The following RYR3 variants were observed in gnomAD, a reference collection of about 807,000 sequenced individuals.
RYR3 encodes the protein brain ryanodine receptor-calcium release channel.
RYR3 carries 207 observed loss-of-function variants against 584.3 expected under a neutral mutation model. The ratio of observed to expected loss-of-function variants is 0.35; its 90% CI spans 0.32 to 0.40. The LOEUF is 0.40. Among genes scored for constraint, RYR3 ranks in the 10% least tolerant of loss-of-function variants. The probability of loss-of-function intolerance (pLI) is 1.00; values close to 1 mark genes in which losing one functional copy is unlikely to be tolerated. For missense variants in RYR3, 5,616 were observed against 6,089.2 expected, an observed-to-expected ratio of 0.92 and a Z score of 2.59; for synonymous variants, 2,416 against 2,248.5, an observed-to-expected ratio of 1.07 and a Z score of -2.11.
chr15:33,513,652 T>C (rs2053236968), intron 3 of RYR3, among the ~76,000 whole-genome samples: 1 of 151,946 alleles, frequency 6.6e-6, no homozygotes, highest in Non-Finnish European at 1.5e-5. Context: ...AGGTGGGAGA[T>C]GGGGAAAGTG....
At chr15:33,392,360 G>A (rs1012644930) in intron 1 of RYR3, among the ~76,000 whole-genome samples, 3 of 151,400 alleles carry the variant, frequency 2.0e-5, no homozygotes, top group South Asian at 4.2e-4. Context: ...TAAGGCTGGA[G>A]CACAAGTCGT....
At chr15:33,579,585 T>G (rs2058489666) in intron 12 of RYR3, among the ~76,000 whole-genome samples, 1 of 152,170 alleles carries the variant, frequency 6.6e-6, no homozygotes, top group South Asian at 2.1e-4. Flanking sequence ...CTGCTATAGA[T>G]AGAAGAGTCA....
chr15:33,664,587 G>GTATGTATA (rs879709155), intron 36 of RYR3, among the ~76,000 whole-genome samples: 2 of 42,626 alleles, frequency 4.7e-5, no homozygotes, highest in East Asian at 1.6e-3. Context: ...GTGTGTGTGT[G>GTATGTATA]TGTATATATA....
At chr15:33,488,606 C>T (rs2050687368) in intron 2 of RYR3, among the ~76,000 whole-genome samples, 1 of 152,096 alleles carries the variant, frequency 6.6e-6, no homozygotes. Flanking sequence ...GTAATCCCAG[C>T]ACTTGGGAGG....
At chr15:33,705,101 T>TTCTCTCTCTCTCTCTA in intron 42 of RYR3, among the ~76,000 whole-genome samples, 1 of 142,216 alleles carries the variant, frequency 7.0e-6, no homozygotes, top group African/African-American at 2.7e-5. Flanking sequence ...CACACACTCT[T>TTCTCTCTCTCTCTCTA]TCTCTCTCTC....
At chr15:33,617,822 A>C (rs2060528022) in intron 19 of RYR3, among the ~76,000 whole-genome samples, 1 of 152,216 alleles carries the variant, frequency 6.6e-6, no homozygotes, top group Non-Finnish European at 1.5e-5. Flanking sequence ...CCCACAGTGA[A>C]GTCAAAGTTA....
intron 2 of RYR3, among the ~76,000 whole-genome samples, chr15:33,501,066 G>A (rs928749463): frequency 2.0e-5 from 3 of 152,220 alleles, no homozygotes; most frequent in Admixed American, 6.5e-5. Flanking sequence ...TAAGCTGCCA[G>A]GAAACTCTGT....
intron 60 of RYR3, among the ~76,000 whole-genome samples, chr15:33,765,641 A>AAG (rs2072975985): frequency 6.6e-6 from 1 of 150,808 alleles, no homozygotes; most frequent in East Asian, 1.9e-4. Context: ...TCAAAAAAAA[A>AAG]AAAAAAAAAA....
intron 67 of RYR3, among the ~76,000 whole-genome samples, chr15:33,790,938 C>T (rs1250564386): frequency 2.0e-5 from 3 of 152,072 alleles, no homozygotes; most frequent in African/African-American, 7.2e-5. Flanking sequence ...GTTTCAAATG[C>T]TGCTGGTAAA....
chr15:33,613,160 T>C (rs1466063384), intron 18 of RYR3, 23 bp from the exon 19 acceptor site: 1 of 1,602,736 alleles, frequency 6.2e-7, no homozygotes, highest in Non-Finnish European at 8.5e-7. Flanking sequence ...TCCACAGCCT[T>C]CTTCCTGTTC....
rs2073607012 is a variant in RYR3, at chr15:33,771,935, A to G, written c.8832A>G (p.Ser2944=). 6.2e-7 allele frequency: 1 copy of G among 1,611,500 alleles called. No homozygotes were observed. The highest frequency in any genetic ancestry group is 8.5e-7 in the Non-Finnish European group (1 of 1,178,654). ...TTGCTTGCAGGACTGTCATGAAGTC[A>G]GGCTCAGAGCTGGTGAAGGCTGGGT... ...QTLDTRTVMK[S]GSELVKAGLR... is the part of the protein sequence containing the mutation. Residue 2944 remains serine (S), a synonymous_variant, in exon 63 of 104, where the codon TCA becomes TCG. Transcript: ENST00000634891.
chr15:33,522,131 T>A (rs117539659), intron 3 of RYR3, among the ~76,000 whole-genome samples: 1 of 143,940 alleles, frequency 6.9e-6, no homozygotes. Context: ...GGTGTGGTGG[T>A]GTGAGCCTGT....
intron 45 of RYR3, among the ~76,000 whole-genome samples, chr15:33,725,178 C>CATATAT (rs1555426975): frequency 1.7e-5 from 2 of 120,940 alleles, no homozygotes; most frequent in South Asian, 8.2e-4. Context: ...CACACACACA[C>CATATAT]ACACACACAC....
rs570679554 is a variant in RYR3 at position 33,390,030 on chromosome 15, A to T, written c.51+78934A>T. Among the ~76,000 whole-genome samples the T allele has an allele frequency of 6.6e-6, 1 of 152,330 alleles. No individual in the cohort carries two copies. The highest frequency in any genetic ancestry group is 2.1e-4 in the South Asian group (1 of 4,832). Reference sequence around the variant, plus strand: ...CTATGCTGATTAGTTTCCAATTTCTATCATTTCAGGTATGTAAATTATTGC... The same window carrying T: ...CTATGCTGATTAGTTTCCAATTTCTTTCATTTCAGGTATGTAAATTATTGC... On this transcript the variant is annotated intron_variant, in intron 1 of 103. Transcript: ENST00000634891. This position sits in a 1 kb window ranked among gnomAD's most constrained non-coding sequence, Gnocchi z 4.2.
intron 46 of RYR3, 114 bp downstream of exon 46, chr15:33,726,620 A>G: frequency 8.8e-7 from 1 of 1,140,634 alleles, no homozygotes; most frequent in Non-Finnish European, 1.2e-6. Context: ...GGCGGGCTGC[A>G]CAGGGCAAGT....
intron 1 of RYR3, among the ~76,000 whole-genome samples, chr15:33,411,637 C>T (rs1479675790): frequency 6.6e-6 from 1 of 152,198 alleles, no homozygotes; most frequent in Non-Finnish European, 1.5e-5. Flanking sequence ...AAATCTGAAT[C>T]ACAAACTTAC....
chr15:33,805,710 G>A (rs8042503), intron 69 of RYR3, among the ~76,000 whole-genome samples: 11 of 150,946 alleles, frequency 7.3e-5, no homozygotes, highest in East Asian at 4.0e-4. Context: ...ATCTCCTGAC[G>A]TCATGATCCG....
intron 16 of RYR3, among the ~76,000 whole-genome samples, chr15:33,588,402 A>G (rs1334279612): frequency 8.5e-5 from 13 of 152,210 alleles, no homozygotes; most frequent in Non-Finnish European, 1.5e-5. Flanking sequence ...TAGTTTTATA[A>G]TTATCTAAAT....
At chr15:33,865,072 C>G in intron 103 of RYR3, 59 bp from the exon 104 acceptor site, 2 of 1,372,866 alleles carry the variant, frequency 1.5e-6, no homozygotes, top group South Asian at 1.2e-5. Context: ...CAAAAACAAA[C>G]TGGGTTTTAG....
Sources: allele counts gnomAD v4.1 joint callset (sites outside exome capture counted in the v4.1 genomes callset), GRCh38; gene constraint gnomAD v4.1.1; non-coding constraint Gnocchi (gnomAD v3.1); transcripts MANE v1.5; gene names NCBI Gene and HGNC (gene_info 2026-07-23, HGNC 2026-07-21).